The following TP53BP2 variants were observed in gnomAD, a reference collection of about 807,000 sequenced individuals.
TP53BP2 encodes apoptosis-stimulating of p53 protein 2.
A neutral mutation model predicts 126.2 loss-of-function variants in TP53BP2; 62 were observed. That is an observed-to-expected ratio of 0.49 (90% CI 0.40 to 0.61). The LOEUF is 0.61. Ranked by LOEUF, TP53BP2 falls within the 20% of genes least tolerant of loss-of-function variation. TP53BP2 has a pLI of 0.00. For missense variants in TP53BP2, 1,215 were observed against 1,402.8 expected (o/e 0.87, Z 2.14); for synonymous variants, 485 against 502.9 (o/e 0.96, Z 0.48).
chr1:223,838,314 C>T (rs1663989693), intron 1 of TP53BP2, among the ~76,000 whole-genome samples: 1 of 152,160 alleles, frequency 6.6e-6, no homozygotes, highest in Non-Finnish European at 1.5e-5. Context: ...CAGATGTTAT[C>T]CCCAAAAGGC....
At chr1:223,835,422 C>G (rs555047237) in intron 1 of TP53BP2, among the ~76,000 whole-genome samples, 38 of 152,328 alleles carry the variant, frequency 2.5e-4, no homozygotes, top group African/African-American at 8.7e-4. Context: ...TCCTCCCCGG[C>G]TCCAACTATT....
Position 223,796,996 on chromosome 1 carries a change from C to T in TP53BP2, c.1949-406G>A, listed in dbSNP as rs949135776. Among the ~76,000 whole-genome samples the T allele has an allele frequency of 1.2e-4, 18 of 152,290 alleles. No individual in the cohort carries two copies. Among genetic ancestry groups the T allele is most frequent in the Middle Eastern group, 3.4e-3 (1 of 294 alleles). On this transcript the variant is annotated intron_variant, in intron 12 of 17. Coordinates refer to ENST00000343537, the MANE Select transcript of TP53BP2 (RefSeq NM_001031685.3). This position sits in a 1 kb window ranked among gnomAD's most constrained non-coding sequence, Gnocchi z 4.2. The stretch of plus-strand genomic sequence containing the variant: ...CTTTCACTTTTCAAAAGTGAATCAA[C>T]GTGAGAACTTCTATTTGGCTTATAA...
At position 223,779,966 on chromosome 1, in the gene TP53BP2, T is replaced by C. The variant is rs1359164422; in HGVS notation, c.*887A>G. 1 of 152,248 alleles carries C rather than the reference T, an allele frequency of 6.6e-6. No homozygotes were observed. Among genetic ancestry groups the C allele is most frequent in the Non-Finnish European group, 1.5e-5 (1 of 68,044 alleles). 9.4% of individuals were successfully genotyped at this position (152,248 alleles called of 1,614,324 possible). Reference sequence around the variant, plus strand: ...TCACTTAGCTGGTAAAAAACTCTTATTACGATACATATACTTATGTTAAGC... The same window carrying C: ...TCACTTAGCTGGTAAAAAACTCTTACTACGATACATATACTTATGTTAAGC... On this transcript the variant is annotated 3_prime_UTR_variant, in exon 18 of 18. Transcript: ENST00000343537.
At chr1:223,782,756 GA>G (rs980734647) in intron 17 of TP53BP2, among the ~76,000 whole-genome samples, 2 of 152,110 alleles carry the variant, frequency 1.3e-5, no homozygotes, top group African/African-American at 4.8e-5. Flanking sequence ...CCGGGCCCCT[GA>G]AAGTTTTTTT....
intron 4 of TP53BP2, among the ~76,000 whole-genome samples, chr1:223,807,999 A>G (rs1401925410): frequency 6.6e-6 from 1 of 152,206 alleles, no homozygotes; most frequent in African/African-American, 2.4e-5. Flanking sequence ...ATCAAGCTGG[A>G]AAACTTACAC....
Position 223,792,384 on chromosome 1 carries a change from C to G in TP53BP2, c.2996+5G>C. On this transcript the variant is annotated splice_donor_5th_base_variant and intron_variant, in intron 15 of 17. Coordinates refer to ENST00000343537, the MANE Select transcript of TP53BP2 (RefSeq NM_001031685.3). ...GTTTGACTGGAGTTTAAAAGAAAAT[C>G]TTACCATCCATCACTATCAGCAGCA... The G allele has an allele frequency of 6.2e-7, 1 of 1,602,086 alleles. No individual in the cohort carries two copies. Among genetic ancestry groups the G allele is most frequent in the Non-Finnish European group, 8.5e-7 (1 of 1,173,488 alleles).
chr1:223,789,205 T>G, intron 15 of TP53BP2, 31 bp from the exon 16 acceptor site: 1 of 1,610,770 alleles, frequency 6.2e-7, no homozygotes, highest in Non-Finnish European at 8.5e-7. Context: ...GCTAGAACTG[T>G]TTTCCTAAAC....
rs952731064 is a variant in TP53BP2, at chr1:223,789,155, C to A, written c.3016G>T (p.Ala1006Ser). ...SDGWTPLHCA[A>S]SCNNVQVCKF... is the part of the protein sequence containing the mutation. ...CACACTTGGACGTTGTTACATGAGG[C>A]AGCACAATGTAATGGAGTCCTGTGA... The change falls in exon 16 of 18, where the codon GCC (alanine) becomes TCC (serine). Residue 1006 changes from alanine to serine, a missense_variant. Physicochemically the swap from Ala to Ser is moderately conservative, Grantham distance 99. Transcript: ENST00000343537. 4 of 1,614,046 alleles carry A rather than the reference C, an allele frequency of 2.5e-6. No homozygotes were observed. The highest frequency in any genetic ancestry group is 1.3e-5 in the African/African-American group (1 of 74,924).
intron 16 of TP53BP2, among the ~76,000 whole-genome samples, chr1:223,786,333 A>G (rs1432250655): frequency 6.6e-6 from 1 of 152,192 alleles, no homozygotes; most frequent in Non-Finnish European, 1.5e-5. Context: ...TGTCAGGGAC[A>G]GTGGTTATGT....
chr1:223,843,439 G>C (rs1344806625), intron 1 of TP53BP2, among the ~76,000 whole-genome samples: 1 of 152,226 alleles, frequency 6.6e-6, no homozygotes, highest in African/African-American at 2.4e-5. Flanking sequence ...AAAGTGCTGA[G>C]ATTACAGGCA....
At position 223,803,574 on chromosome 1, in the gene TP53BP2, C is replaced by T. The variant is rs973434066; in HGVS notation, c.650-122G>A. On this transcript the variant is annotated intron_variant, in intron 6 of 17. Coordinates refer to ENST00000343537, the MANE Select transcript of TP53BP2 (RefSeq NM_001031685.3). ...CAGTAGAAAAATTTTTCAGAATGTC[C>T]TGGAAGCAACCGACTTCTTTTAGAA... 16 of 801,010 alleles carry T rather than the reference C, an allele frequency of 2.0e-5. No homozygotes were observed. The South Asian group carries it at 4.2e-4, about 21-fold the overall frequency. The allele number at this position is 801,010 out of a possible 1,614,324, so 49.6% of individuals were successfully genotyped here.
At chr1:223,781,827 A>C (rs1014660884) in intron 17 of TP53BP2, among the ~76,000 whole-genome samples, 11 of 152,218 alleles carry the variant, frequency 7.2e-5, no homozygotes, top group South Asian at 4.1e-4. Context: ...TCAGGAAAAC[A>C]AACCAAAAAA....
At chr1:223,806,693 G>A (rs529112663) in intron 5 of TP53BP2, among the ~76,000 whole-genome samples, 153 bp downstream of exon 5, 88 of 152,158 alleles carry the variant, frequency 5.8e-4, no homozygotes, top group Middle Eastern at 3.4e-3. Flanking sequence ...GTGTGGTGGC[G>A]TCTGCCTGTA....
intron 7 of TP53BP2, 39 bp from the exon 8 acceptor site, chr1:223,802,934 A>G (rs1477757293): frequency 6.2e-7 from 1 of 1,610,046 alleles, no homozygotes; most frequent in Non-Finnish European, 8.5e-7. Context: ...GCCAAGGAGT[A>G]GGAAGAAAAT....
At chr1:223,794,916 T>C (rs1317774298) in intron 13 of TP53BP2, among the ~76,000 whole-genome samples, 1 of 152,232 alleles carries the variant, frequency 6.6e-6, no homozygotes, top group Non-Finnish European at 1.5e-5. Flanking sequence ...GAATCAAACA[T>C]GCAAAGTACA....
chr1:223,843,223 G>C (rs974751330), intron 1 of TP53BP2, among the ~76,000 whole-genome samples: 8 of 151,650 alleles, frequency 5.3e-5, no homozygotes, highest in Non-Finnish European at 7.4e-5. Flanking sequence ...TACCAGGCTG[G>C]AGTACAGTGG....
chr1:223,841,086 A>G (rs1213130027), intron 1 of TP53BP2, among the ~76,000 whole-genome samples: 1 of 152,022 alleles, frequency 6.6e-6, no homozygotes, highest in African/African-American at 2.4e-5. Context: ...CCCTGTCTCT[A>G]CTAAAAAATA....
chr1:223,784,999 T>C (rs998141076), intron 16 of TP53BP2, among the ~76,000 whole-genome samples: 2 of 152,176 alleles, frequency 1.3e-5, no homozygotes, highest in African/African-American at 4.8e-5. Context: ...AGTAACAGAT[T>C]TGCAAATTAA....
rs779323855 is a variant in TP53BP2 at position 223,780,804 on chromosome 1, T to G, written c.*49A>C. The stretch of plus-strand genomic sequence containing the variant: ...TTGCCAAAAATAATCGTATTACTTC[T>G]TCTTAACAGAGATTAATTCTTCATT... On this transcript the variant is annotated 3_prime_UTR_variant, in exon 18 of 18. Transcript: ENST00000343537. The G allele has an allele frequency of 6.3e-7, 1 of 1,589,984 alleles. No homozygotes were observed. Among genetic ancestry groups the G allele is most frequent in the Non-Finnish European group, 8.6e-7 (1 of 1,168,574 alleles).
Sources: allele counts gnomAD v4.1 joint callset (sites outside exome capture counted in the v4.1 genomes callset), GRCh38; gene constraint gnomAD v4.1.1; non-coding constraint Gnocchi (gnomAD v3.1); transcripts MANE v1.5; gene names NCBI Gene and HGNC (gene_info 2026-07-23, HGNC 2026-07-21).